The following NAV2 variants were observed in gnomAD, a reference collection of about 807,000 sequenced individuals.
NAV2 encodes the protein helicase, APC down-regulated 1.
A neutral mutation model predicts 223.2 loss-of-function variants in NAV2; 54 were observed. That is an observed-to-expected ratio of 0.24 (90% confidence interval 0.19 to 0.30). The LOEUF (loss-of-function observed/expected upper bound fraction) is 0.30. Among genes scored for constraint, NAV2 ranks in the 10% least tolerant of loss-of-function variants. The pLI is 1.00. For synonymous variants in NAV2, 1,279 were observed against 1,239.3 expected (o/e 1.03, Z -0.67); for missense variants, 2,806 against 3,147.5 (o/e 0.89, Z 2.60).
chr11:19,459,853 G>A (rs575778063), intron 1 of NAV2, among the ~76,000 whole-genome samples: 2 of 152,292 alleles, frequency 1.3e-5, no homozygotes, highest in Non-Finnish European at 2.9e-5. Flanking sequence ...GCAAGAAAAT[G>A]CTATAGCCTG....
At chr11:19,886,040 C>T (rs943292453) in intron 5 of NAV2, among the ~76,000 whole-genome samples, 4 of 151,946 alleles carry the variant, frequency 2.6e-5, no homozygotes, top group South Asian at 2.1e-4. Flanking sequence ...AGACTCATGG[C>T]GCTATCATGG....
chr11:19,654,038 C>A (rs183699303), intron 1 of NAV2, among the ~76,000 whole-genome samples: 18 of 152,300 alleles, frequency 1.2e-4, no homozygotes, highest in African/African-American at 3.8e-4. Context: ...GCAACTTCAG[C>A]AAAGTCTCAG....
intron 29 of NAV2, 101 bp downstream of exon 29, chr11:20,093,300 G>A (rs1296782703): frequency 1.3e-6 from 1 of 782,230 alleles, no homozygotes; most frequent in African/African-American, 1.7e-5. Flanking sequence ...TGGAGCCTAA[G>A]GTGATTTGGA....
chr11:19,514,029 G>A (rs547349559), intron 1 of NAV2, among the ~76,000 whole-genome samples: 1 of 152,296 alleles, frequency 6.6e-6, no homozygotes, highest in South Asian at 2.1e-4. Flanking sequence ...GTTCCTTTAA[G>A]CCACCCAGTT....
At position 19,804,111 on chromosome 11, in the gene NAV2, G is replaced by GGT. The variant is rs200414847; in HGVS notation, c.268-28364_268-28363dup. ...CAGACCTCATGCACTAAAGAGAGCAGGTGTGTGTGTATGTGTGTGTGTCCT... is the reference window on the plus strand; with the variant it reads ...CAGACCTCATGCACTAAAGAGAGCAGGTGTGTGTGTGTATGTGTGTGTGTCCT... On this transcript the variant is annotated intron_variant, in intron 1 of 37. Transcript: ENST00000349880. Among the ~76,000 whole-genome samples the GGT allele has an allele frequency of 2.8e-3, 422 of 152,264 alleles. 3 individuals are homozygous for GGT. Among genetic ancestry groups the GGT allele is most frequent in the Admixed American group, 0.016 (246 of 15,290 alleles).
At chr11:19,692,693 T>C (rs2152266504) in intron 1 of NAV2, among the ~76,000 whole-genome samples, 1 of 152,324 alleles carries the variant, frequency 6.6e-6, no homozygotes. Context: ...ATACAGGCAA[T>C]TATACTTCAT....
At chr11:20,066,203 G>A (rs2059032764) in intron 20 of NAV2, among the ~76,000 whole-genome samples, 1 of 152,226 alleles carries the variant, frequency 6.6e-6, no homozygotes, top group Non-Finnish European at 1.5e-5. Flanking sequence ...CAAGGTCAGG[G>A]ACTTGGTCAT....
chr11:19,757,720 T>C (rs941748695), intron 1 of NAV2, among the ~76,000 whole-genome samples: 1 of 152,224 alleles, frequency 6.6e-6, no homozygotes, highest in Non-Finnish European at 1.5e-5. Context: ...ATTGAGGGTA[T>C]GGTATGTGCT....
chr11:20,021,893 A>G (rs2584834), intron 11 of NAV2, among the ~76,000 whole-genome samples: 19,681 of 152,140 alleles, frequency 0.13, 1,373 homozygotes, highest in Non-Finnish European at 0.16. Context: ...TTTCAGTGGG[A>G]GAGGAATGGC....
chr11:19,776,632 A>ATGTGTGTGTGTGTG (rs71050685), intron 1 of NAV2, among the ~76,000 whole-genome samples: 1,897 of 64,622 alleles, frequency 0.029, 129 homozygotes, highest in Non-Finnish European at 0.039. Context: ...GGGTCAGAAA[A>ATGTGTGTGTGTGTG]TGTGTGTGTG....
chr11:19,846,384 C>T (rs913753186), intron 3 of NAV2, among the ~76,000 whole-genome samples: 1 of 152,156 alleles, frequency 6.6e-6, no homozygotes, highest in South Asian at 2.1e-4. Flanking sequence ...ACAACAGACT[C>T]ATAGGCACAG....
rs146857307 is a variant in NAV2 at position 20,041,710 on chromosome 11, A to G, written c.2908-2271A>G. ...GCTTTCCTGGCACGTAGTGGCACCC[A>G]ATAAATATTTGTGAAGTGAATGTTC... On this transcript the variant is annotated intron_variant, in intron 12 of 37. Coordinates refer to ENST00000349880, the MANE Select transcript of NAV2 (RefSeq NM_145117.5). Among the ~76,000 whole-genome samples, 238 of 152,320 alleles carry G rather than the reference A, an allele frequency of 1.6e-3. 2 individuals are homozygous for G. The highest frequency in any genetic ancestry group is 5.5e-3 in the African/African-American group (227 of 41,572).
intron 3 of NAV2, among the ~76,000 whole-genome samples, chr11:19,860,667 G>C (rs2061709477): frequency 6.6e-6 from 1 of 152,030 alleles, no homozygotes; most frequent in Admixed American, 6.5e-5. Context: ...CACTTTGGGA[G>C]GCCAAGGCAG....
intron 1 of NAV2, among the ~76,000 whole-genome samples, chr11:19,652,557 G>A (rs193026715): frequency 2.0e-5 from 3 of 152,164 alleles, no homozygotes; most frequent in African/African-American, 2.4e-5. Context: ...CCCACTCCAC[G>A]CCCACCACTG....
At chr11:20,049,285 C>G in intron 15 of NAV2, 90 bp downstream of exon 15, 1 of 979,100 alleles carries the variant, frequency 1.0e-6, no homozygotes. Flanking sequence ...GTCGAATAGC[C>G]TTTGCCTGTA....
At chr11:19,682,839 G>A (rs1235429355) in intron 1 of NAV2, among the ~76,000 whole-genome samples, 2 of 151,920 alleles carry the variant, frequency 1.3e-5, no homozygotes, top group African/African-American at 2.4e-5. Context: ...CTCCCACCAG[G>A]CCCCATCTCC....
chr11:19,825,720 T>G (rs2059615141), intron 1 of NAV2, among the ~76,000 whole-genome samples: 2 of 152,236 alleles, frequency 1.3e-5, no homozygotes, highest in Non-Finnish European at 2.9e-5. Context: ...TGGTTTAACA[T>G]GGTACAATTA....
intron 1 of NAV2, among the ~76,000 whole-genome samples, chr11:19,535,864 AT>A (rs2044171776): frequency 6.6e-6 from 1 of 152,192 alleles, no homozygotes; most frequent in Non-Finnish European, 1.5e-5. Flanking sequence ...AGGGTTGAGT[AT>A]GGGGACCTTC....
At chr11:20,097,143 T>C (rs890758458) in intron 30 of NAV2, among the ~76,000 whole-genome samples, 2 of 152,226 alleles carry the variant, frequency 1.3e-5, no homozygotes, top group Admixed American at 6.5e-5. Context: ...GCAGTCTGCA[T>C]TTTAATCTCT....
Sources: gnomAD v4.1 joint callset for allele counts (sites outside exome capture counted in the v4.1 genomes callset) on GRCh38, gnomAD v4.1.1 for gene constraint, MANE v1.5 for transcripts, NCBI Gene and HGNC (gene_info 2026-07-23, HGNC 2026-07-21) for gene names.